Variants in GRM2 observed in about 807,000 individuals in gnomAD.
GRM2 encodes metabotropic glutamate receptor 2.
A neutral mutation model predicts 60.4 loss-of-function variants in GRM2; 35 were observed. That is an observed-to-expected ratio of 0.58 (90% confidence interval 0.44 to 0.77). The LOEUF (loss-of-function observed/expected upper bound fraction) is 0.77. GRM2 is among the 30% of genes least tolerant of loss of function. The probability of loss-of-function intolerance (pLI) is 0.00; values close to 1 mark genes in which losing one functional copy is unlikely to be tolerated. For missense variants in GRM2, 925 were observed against 1,199.5 expected (o/e 0.77, Z 3.38); for synonymous variants, 437 against 484.1 (o/e 0.90, Z 1.28).
rs1703972845 is a variant in GRM2, at chr3:51,718,159, G to A, written c.*47G>A. On this transcript the variant is annotated 3_prime_UTR_variant, in exon 6 of 6. Coordinates refer to ENST00000395052, the MANE Select transcript of GRM2 (RefSeq NM_000839.5). This position sits in a 1 kb window ranked among gnomAD's most constrained non-coding sequence, Gnocchi z 4.2. ...ACACAGCTGCTCCTGGGAACCTAGT[G>A]CAGACCCACGTCCAGGGCCAGGAGG... is the stretch of plus-strand genomic sequence containing the variant. The A allele has an allele frequency of 6.7e-7, 1 of 1,488,812 alleles. No individual in the cohort carries two copies. Among genetic ancestry groups the A allele is most frequent in the Non-Finnish European group, 9.4e-7 (1 of 1,065,390 alleles). 92.2% of individuals were successfully genotyped at this position (1,488,812 alleles called of 1,614,324 possible). A position where few individuals can be genotyped will look rare whatever the true frequency, so the allele number is the denominator to read the frequency against.
Position 51,717,581 on chromosome 3 carries a change from C to T in GRM2, c.2365-56C>T. On this transcript the variant is annotated intron_variant, in intron 4 of 5. Coordinates refer to ENST00000395052, the MANE Select transcript of GRM2 (RefSeq NM_000839.5). This position sits in a 1 kb window ranked among gnomAD's most constrained non-coding sequence, Gnocchi z 6.0. ...CTCCCCCACAGATCAGGCAGGGGGT[C>T]CTGGGGTCAGGCCCAGGTCTTGACC... is the stretch of plus-strand genomic sequence containing the variant. 1 of 1,437,972 alleles carries T rather than the reference C, an allele frequency of 7.0e-7. No individual in the cohort carries two copies. Among genetic ancestry groups the T allele is most frequent in the Non-Finnish European group, 9.7e-7 (1 of 1,033,256 alleles). The allele number at this position is 1,437,972 out of a possible 1,614,324, so 89.1% of individuals were successfully genotyped here. A position where few individuals can be genotyped will look rare whatever the true frequency, so the allele number is the denominator to read the frequency against.
rs745889223 is a variant in GRM2, at chr3:51,709,276, C to T, written c.293C>T (p.Ala98Val). Residue 98 changes from alanine to valine, a missense_variant, in exon 2 of 6, where the codon GCG becomes GTG. Physicochemically the swap from Ala to Val is moderately conservative, Grantham distance 64. Transcript: ENST00000395052. ...ILDSCSKDTHALEQALDFVRA... is the reference protein window; with the variant it reads ...ILDSCSKDTHVLEQALDFVRA... ...GACAGTTGCTCCAAGGACACACATG[C>T]GCTGGAGCAGGCACTGGACTTTGTG... 1.9e-6 allele frequency: 3 copies of T among 1,604,438 alleles called. No homozygotes were observed. The highest frequency in any genetic ancestry group is 2.2e-5 in the East Asian group (1 of 44,610).
intron 2 of GRM2, chr3:51,711,573 TTC>T (rs1471872226): frequency 1.3e-5 from 2 of 152,556 alleles, no homozygotes; most frequent in Non-Finnish European, 2.9e-5. Context: ...TGGCTGCTCC[TTC>T]TCTCTTGCCC....
At position 51,717,008 on chromosome 3, in the gene GRM2, G is replaced by C. The variant is rs758522056; in HGVS notation, c.2365-629G>C. Reference sequence around the variant, plus strand: ...TGCTTGGGTGGTAGAGGCCAGGGCTGGGGAGGGATTCTGCTCTGACTCAGC... The same window carrying C: ...TGCTTGGGTGGTAGAGGCCAGGGCTCGGGAGGGATTCTGCTCTGACTCAGC... On this transcript the variant is annotated intron_variant, in intron 4 of 5. Transcript: ENST00000395052. The surrounding 1 kb of genome is among the most constrained non-coding windows in gnomAD (Gnocchi z 6.0). Among the ~76,000 whole-genome samples, 1 of 152,078 alleles carries C rather than the reference G, an allele frequency of 6.6e-6. No individual in the cohort carries two copies. The highest frequency in any genetic ancestry group is 2.4e-5 in the African/African-American group (1 of 41,392).
Position 51,713,536 on chromosome 3 carries a change from G to A in GRM2, c.1288+226G>A, listed in dbSNP as rs552478548. ...GAGAGTAGACCTCTGGCCTGGTCCC[G>A]CCATTTTGAGGGTCTCTGGCTCCTC... On this transcript the variant is annotated intron_variant, in intron 3 of 5. Transcript: ENST00000395052. The surrounding 1 kb of genome is among the most constrained non-coding windows in gnomAD (Gnocchi z 4.8). The A allele has an allele frequency of 1.9e-5, 10 of 523,038 alleles. No individual in the cohort carries two copies. The highest frequency in any genetic ancestry group is 1.0e-4 in the Admixed American group (3 of 29,164). 32.4% of individuals were successfully genotyped at this position (523,038 alleles called of 1,614,324 possible).
rs138359683 is a variant in GRM2, at chr3:51,709,407, G to T, written c.424G>T (p.Gly142Cys). The T allele has an allele frequency of 6.4e-6, 10 of 1,565,826 alleles. No homozygotes were observed. The highest frequency in any genetic ancestry group is 8.7e-6 in the Non-Finnish European group (10 of 1,146,254). ...APTAITGVIG[G>C]SYSDVSIQVA... ...CACTGCCATCACTGGTGTTATTGGC[G>T]GTTCCTACAGTGATGTCTCCATCCA... Residue 142 changes from glycine to cysteine, a missense_variant, in exon 2 of 6, where the codon GGT becomes TGT. Gly to Cys is a radical substitution (Grantham distance 159). Transcript: ENST00000395052.
rs1188612222 is a variant in GRM2, at chr3:51,716,065, C to T, written c.2292C>T (p.Phe764=). 8.1e-6 allele frequency: 13 copies of T among 1,614,154 alleles called. No homozygotes were observed. In the East Asian group the frequency reaches 2.7e-4, roughly 33 times the overall value. The part of the protein sequence containing the change: ...ENFNEAKFIG[F]TMYTTCIIWL... ...TCAACGAGGCCAAGTTCATTGGCTT[C>T]ACCATGTACACCACCTGCATCATCT... The change falls in exon 4 of 6, where the codon TTC becomes TTT. Residue 764 remains phenylalanine (F), a synonymous_variant. Coordinates refer to ENST00000395052, the MANE Select transcript of GRM2 (RefSeq NM_000839.5). This position sits in a 1 kb window ranked among gnomAD's most constrained non-coding sequence, Gnocchi z 4.0.
Position 51,718,100 on chromosome 3 carries a change from G to GTCA in GRM2, c.2610_2612dup (p.Ser871dup), listed in dbSNP as rs1346804206. The GTCA allele has an allele frequency of 4.3e-6, 7 of 1,613,884 alleles. No homozygotes were observed. In the East Asian group the frequency reaches 1.6e-4, roughly 36 times the overall value. ...GCCGTGAGGTGGTGGACTCGACAAC[G>GTCA]TCATCGCTTTGAAGACCCCATACTC... On this transcript the variant is annotated inframe_insertion, in exon 6 of 6. Transcript: ENST00000395052. The surrounding 1 kb of genome is among the most constrained non-coding windows in gnomAD (Gnocchi z 4.2).
At position 51,712,096 on chromosome 3, in the gene GRM2, G is replaced by A. The variant is rs376727793; in HGVS notation, c.451-377G>A. 6.6e-5 allele frequency among the ~76,000 whole-genome samples: 10 copies of A among 152,138 alleles called. No individual in the cohort carries two copies. The highest frequency in any genetic ancestry group is 2.4e-4 in the African/African-American group (10 of 41,418). On this transcript the variant is annotated intron_variant, in intron 2 of 5. Coordinates refer to ENST00000395052, the MANE Select transcript of GRM2 (RefSeq NM_000839.5). This position sits in a 1 kb window ranked among gnomAD's most constrained non-coding sequence, Gnocchi z 5.3. ...CCTACCCTCAAATAAGTAGAGAGCC[G>A]AAGAGCCCTGAGTAGCCAGATGCCA...
chr3:51,717,967 C>T lies in GRM2; in HGVS notation c.2546-72C>T, dbSNP rs1029113219. 1 of 1,485,536 alleles carries T rather than the reference C, an allele frequency of 6.7e-7. No homozygotes were observed. Among genetic ancestry groups the T allele is most frequent in the Non-Finnish European group, 9.4e-7 (1 of 1,062,716 alleles). The allele number at this position is 1,485,536 out of a possible 1,614,324, so 92.0% of individuals were successfully genotyped here. On this transcript the variant is annotated intron_variant, in intron 5 of 5. Transcript: ENST00000395052. This position sits in a 1 kb window ranked among gnomAD's most constrained non-coding sequence, Gnocchi z 6.0. The stretch of plus-strand genomic sequence containing the variant: ...GGGGAGGGGAGGCTTCCCTCACAGC[C>T]CTGCTTCCCCACTGCCTGCCCTCCA...
rs750406225 is a variant in GRM2, at chr3:51,715,196, G to A, written c.1423G>A (p.Ala475Thr). 2.5e-6 allele frequency: 4 copies of A among 1,614,008 alleles called. No homozygotes were observed. The highest frequency in any genetic ancestry group is 8.5e-7 in the Non-Finnish European group (1 of 1,179,918). The change falls in exon 4 of 6, where the codon GCA becomes ACA. Residue 475 changes from alanine to threonine, a missense_variant. Ala to Thr is a moderately conservative substitution (Grantham distance 58). Transcript: ENST00000395052. The surrounding 1 kb of genome is among the most constrained non-coding windows in gnomAD (Gnocchi z 9.0). ...TCGCTACCAGAAGGTGGGCTACTGG[G>A]CAGAAGGCTTGACTCTGGACACCAG... The part of the protein sequence containing the change: ...RYRYQKVGYW[A>T]EGLTLDTSLI...
chr3:51,717,917 G>C lies in GRM2; in HGVS notation c.2545+100G>C. The C allele has an allele frequency of 3.5e-6, 5 of 1,425,514 alleles. No individual in the cohort carries two copies. The highest frequency in any genetic ancestry group is 5.0e-6 in the Non-Finnish European group (5 of 1,009,888). The allele number at this position is 1,425,514 out of a possible 1,614,324, so 88.3% of individuals were successfully genotyped here. A position where few individuals can be genotyped will look rare whatever the true frequency, so the allele number is the denominator to read the frequency against. On this transcript the variant is annotated intron_variant, in intron 5 of 5. Transcript: ENST00000395052. The surrounding 1 kb of genome is among the most constrained non-coding windows in gnomAD (Gnocchi z 6.0). Reference sequence around the variant, plus strand: ...TCTGGGGGTGAGGTGCCCCCCAAATGACACTGGCAGGAGAGGACAGGAGAG... The same window carrying C: ...TCTGGGGGTGAGGTGCCCCCCAAATCACACTGGCAGGAGAGGACAGGAGAG...
In GRM2 at chr3:51,712,917, G is replaced by A; in HGVS notation, c.895G>A (p.Ala299Thr). 3 of 1,613,020 alleles carry A rather than the reference G, an allele frequency of 1.9e-6. No homozygotes were observed. The highest frequency in any genetic ancestry group is 2.5e-6 in the Non-Finnish European group (3 of 1,180,024). ...CTGGGTGGCCAGTGATGGTTGGGGG[G>A]CCCTGGAGAGTGTGGTGGCAGGCAG... Reference protein sequence around the residue: ...FTWVASDGWGALESVVAGSEG... With the variant: ...FTWVASDGWGTLESVVAGSEG... Residue 299 changes from alanine (A) to threonine (T), a missense_variant, in exon 3 of 6, where the codon GCC becomes ACC. By Grantham distance (58) the Ala-to-Thr change is moderately conservative. Transcript: ENST00000395052. The surrounding 1 kb of genome is among the most constrained non-coding windows in gnomAD (Gnocchi z 5.3).
Position 51,715,138 on chromosome 3 carries a change from C to A in GRM2, c.1365C>A (p.Ile455=), listed in dbSNP as rs1176547687. 6.2e-7 allele frequency: 1 copy of A among 1,612,376 alleles called. No individual in the cohort carries two copies. The highest frequency in any genetic ancestry group is 8.5e-7 in the Non-Finnish European group (1 of 1,179,004). The change falls in exon 4 of 6, where the codon ATC becomes ATA. Residue 455 remains isoleucine (I), a synonymous_variant. Coordinates refer to ENST00000395052, the MANE Select transcript of GRM2 (RefSeq NM_000839.5). The surrounding 1 kb of genome is among the most constrained non-coding windows in gnomAD (Gnocchi z 9.0). ...GTGATGGTATTGGCCGCTACAACATCTTCACCTATCTGCGTGCAGGCAGTG... is the reference window on the plus strand; with the variant it reads ...GTGATGGTATTGGCCGCTACAACATATTCACCTATCTGCGTGCAGGCAGTG... The part of the protein sequence containing the change: ...RFGDGIGRYN[I]FTYLRAGSGR...
chr3:51,712,714 G>T lies in GRM2; in HGVS notation c.692G>T (p.Arg231Leu), dbSNP rs147501226. 8 of 1,613,658 alleles carry T rather than the reference G, an allele frequency of 5.0e-6. No homozygotes were observed. Among genetic ancestry groups the T allele is most frequent in the Non-Finnish European group, 6.8e-6 (8 of 1,179,998 alleles). The change falls in exon 3 of 6, where the codon CGC (arginine) becomes CTC (leucine). Residue 231 changes from arginine (R) to leucine (L), a missense_variant. Physicochemically the swap from Arg to Leu is moderately radical, Grantham distance 102 (BLOSUM62 -2). Coordinates refer to ENST00000395052, the MANE Select transcript of GRM2 (RefSeq NM_000839.5). This position sits in a 1 kb window ranked among gnomAD's most constrained non-coding sequence, Gnocchi z 5.3. ...IEAFELEARA[R>L]NICVATSEKV... ...GCCTTTGAGCTAGAGGCTCGTGCCC[G>T]CAACATCTGTGTGGCCACCTCGGAG...
At chr3:51,707,680 A>G (rs1420244586) in intron 1 of GRM2, 1 of 152,812 alleles carries the variant, frequency 6.5e-6, no homozygotes, top group African/African-American at 2.4e-5. Flanking sequence ...CCTGATCCCC[A>G]GAGGAGCCCA....
rs1703972402 is a variant in GRM2, at chr3:51,718,146, C to T, written c.*34C>T. ...TACTCCCGCCCTGACACAGCTGCTC[C>T]TGGGAACCTAGTGCAGACCCACGTC... On this transcript the variant is annotated 3_prime_UTR_variant, in exon 6 of 6. Transcript: ENST00000395052. This position sits in a 1 kb window ranked among gnomAD's most constrained non-coding sequence, Gnocchi z 4.2. The T allele has an allele frequency of 1.3e-6, 2 of 1,582,250 alleles. No homozygotes were observed. The highest frequency in any genetic ancestry group is 1.7e-6 in the Non-Finnish European group (2 of 1,151,020).
chr3:51,713,195 G>A lies in GRM2; in HGVS notation c.1173G>A (p.Ala391=), dbSNP rs971601071. Residue 391 remains alanine, a synonymous_variant, in exon 3 of 6, where the codon GCG becomes GCA. Coordinates refer to ENST00000395052, the MANE Select transcript of GRM2 (RefSeq NM_000839.5). The surrounding 1 kb of genome is among the most constrained non-coding windows in gnomAD (Gnocchi z 4.8). ...ATGCAGTGTACGCCATGGCCCATGC[G>A]CTCCACAACATGCACCGTGCCCTCT... ...VVNAVYAMAH[A]LHNMHRALCP... 9 of 1,613,026 alleles carry A rather than the reference G, an allele frequency of 5.6e-6. No individual in the cohort carries two copies. The highest frequency in any genetic ancestry group is 1.6e-4 in the Middle Eastern group (1 of 6,084).
chr3:51,709,658 A>AGCCACACCATG (rs1703621785), intron 2 of GRM2, among the ~76,000 whole-genome samples: 2 of 101,980 alleles, frequency 2.0e-5, no homozygotes, highest in African/African-American at 3.7e-5. Flanking sequence ...TCCCACACAC[A>AGCCACACCATG]CACACACCCT....
Sources: allele counts gnomAD v4.1 joint callset (sites outside exome capture counted in the v4.1 genomes callset), GRCh38; gene constraint gnomAD v4.1.1; non-coding constraint Gnocchi (gnomAD v3.1); transcripts MANE v1.5; gene names NCBI Gene and HGNC (gene_info 2026-07-23, HGNC 2026-07-21).